Variants in GLB1L3 observed in about 807,000 individuals in gnomAD.
GLB1L3 encodes beta-galactosidase-1-like protein 3.
In GLB1L3, 89 loss-of-function variants were observed where a neutral mutation model predicts 89.5. The observed-to-expected ratio is 0.99, with a 90% CI of 0.84 to 1.19. The LOEUF (loss-of-function observed/expected upper bound fraction) is 1.19, where lower values mean the gene tolerates loss of function less well. Ranked by LOEUF, GLB1L3 falls within the 50% of genes most tolerant of loss-of-function variation. The pLI, the probability that GLB1L3 is intolerant of heterozygous loss-of-function variation, is 0.00. For missense variants in GLB1L3, 812 were observed against 813.3 expected (o/e 1.00, Z 0.02); for synonymous variants, 314 against 312.3 (o/e 1.01, Z -0.06).
chr11:134,293,645 TTC>T (rs1941479966), intron 9 of GLB1L3, among the ~76,000 whole-genome samples: 1 of 152,048 alleles, frequency 6.6e-6, no homozygotes, highest in Non-Finnish European at 1.5e-5. Context: ...GGCTCCCACC[TTC>T]TCTCAGTGGG....
In GLB1L3 at chr11:134,312,461, T is replaced by C; in HGVS notation, c.1400T>C (p.Leu467Pro). The change falls in exon 14 of 20, where the codon CTC (leucine) becomes CCC (proline). Residue 467 changes from leucine to proline, a missense_variant. Transcript: ENST00000431683. ...AAGTCCATCTGCTCCGGAGGCCGCC[T>C]CCGTGCCCACGCTCATGACGTGGCA... ...YEKSICSGGR[L>P]RAHAHDVAQV... is the part of the protein sequence containing the mutation. 8 of 1,613,150 alleles carry C rather than the reference T, an allele frequency of 5.0e-6. No homozygotes were observed. Among genetic ancestry groups the C allele is most frequent in the Non-Finnish European group, 6.8e-6 (8 of 1,179,882 alleles).
At chr11:134,294,072 CTT>C in intron 9 of GLB1L3, among the ~76,000 whole-genome samples, 1 of 147,436 alleles carries the variant, frequency 6.8e-6, no homozygotes, top group African/African-American at 2.5e-5. Flanking sequence ...TCATCAATTT[CTT>C]TTTTTTTTTG....
the GLB1L3 span, among the ~76,000 whole-genome samples, chr11:134,325,032 A>T: frequency 1.3e-5 from 2 of 152,210 alleles, no homozygotes; most frequent in Non-Finnish European, 2.9e-5. Flanking sequence ...TTATAAAGTT[A>T]TAAAGCTAAT....
chr11:134,286,483 G>A (rs1455304364), intron 6 of GLB1L3, among the ~76,000 whole-genome samples: 1 of 150,330 alleles, frequency 6.7e-6, no homozygotes, highest in African/African-American at 2.5e-5. Context: ...CTCAAAACCA[G>A]AAAGACTGGT....
chr11:134,307,293 T>G (rs1361602673), intron 10 of GLB1L3, 85 bp downstream of exon 10: 1 of 978,052 alleles, frequency 1.0e-6, no homozygotes, highest in Admixed American at 2.2e-5. Context: ...TGCTAATTGA[T>G]TCACTTGATC....
chr11:134,312,459 C>T lies in GLB1L3; in HGVS notation c.1398C>T (p.Arg466=), dbSNP rs201953991. The change falls in exon 14 of 20, where the codon CGC becomes CGT. Residue 466 remains arginine (R), a synonymous_variant. Transcript: ENST00000431683. The part of the protein sequence containing the change: ...LYEKSICSGG[R]LRAHAHDVAQ... The stretch of plus-strand genomic sequence containing the variant: ...AGAAGTCCATCTGCTCCGGAGGCCG[C>T]CTCCGTGCCCACGCTCATGACGTGG... 27 of 1,613,188 alleles carry T rather than the reference C, an allele frequency of 1.7e-5. No homozygotes were observed. The African/African-American group carries it at 3.5e-4, about 21-fold the overall frequency.
At position 134,305,006 on chromosome 11, in the gene GLB1L3, A is replaced by T. The variant is rs933119810; in HGVS notation, c.877-2118A>T. 1.2e-5 allele frequency: 15 copies of T among 1,262,734 alleles called. No individual in the cohort carries two copies. The Admixed American group carries it at 1.5e-4, about 13-fold the overall frequency. 78.2% of individuals were successfully genotyped at this position (1,262,734 alleles called of 1,614,324 possible). ...TGAGAGCCCGCATGCGACTGCGCTA[A>T]CAATGTATCTTAGTGGCATAATAAC... is the stretch of plus-strand genomic sequence containing the variant. On this transcript the variant is annotated intron_variant, in intron 9 of 19. Coordinates refer to ENST00000431683, the MANE Select transcript of GLB1L3 (RefSeq NM_001080407.3).
downstream of GLB1L3, among the ~76,000 whole-genome samples, chr11:134,321,466 A>G (rs1214443852): frequency 6.6e-6 from 1 of 152,220 alleles, no homozygotes; most frequent in Admixed American, 6.5e-5. Flanking sequence ...AGACACATGC[A>G]CACGTATGTT....
At chr11:134,305,478 C>T (rs1363359426) in intron 9 of GLB1L3, among the ~76,000 whole-genome samples, 1 of 152,198 alleles carries the variant, frequency 6.6e-6, no homozygotes, top group Non-Finnish European at 1.5e-5. Flanking sequence ...CTCTTAGCTT[C>T]ACAGAGGATG....
At chr11:134,305,429 G>A (rs538518793) in intron 9 of GLB1L3, 137 of 336,598 alleles carry the variant, frequency 4.1e-4, no homozygotes, top group Non-Finnish European at 5.8e-4. Flanking sequence ...ATGCTTTTGC[G>A]CTTCTTCCTC....
intron 13 of GLB1L3, 47 bp downstream of exon 13, chr11:134,311,217 G>C: frequency 7.5e-7 from 1 of 1,332,276 alleles, no homozygotes; most frequent in Non-Finnish European, 1.1e-6. Flanking sequence ...TTGGAGGGAT[G>C]GGGGAGGGAT....
At chr11:134,285,978 G>C in intron 6 of GLB1L3, among the ~76,000 whole-genome samples, 1 of 147,742 alleles carries the variant, frequency 6.8e-6, no homozygotes, top group African/African-American at 2.5e-5. Context: ...GTGTGACCTC[G>C]GCTCACCGCA....
At chr11:134,297,151 C>T (rs1037722368) in intron 9 of GLB1L3, among the ~76,000 whole-genome samples, 2 of 152,030 alleles carry the variant, frequency 1.3e-5, no homozygotes, top group African/African-American at 4.8e-5. Context: ...TACGTAATAT[C>T]CCTCTCCCTT....
chr11:134,282,171 TA>T (rs1301048303), intron 5 of GLB1L3, 51 bp downstream of exon 5: 1 of 1,495,526 alleles, frequency 6.7e-7, no homozygotes, highest in Non-Finnish European at 9.0e-7. Flanking sequence ...GTATTTGCTT[TA>T]AAAAAAGTGA....
chr11:134,302,923 A>G (rs1942021081), intron 9 of GLB1L3, among the ~76,000 whole-genome samples: 1 of 152,142 alleles, frequency 6.6e-6, no homozygotes, highest in Admixed American at 6.5e-5. Flanking sequence ...AGATGTGTTA[A>G]TATTTCTATC....
chr11:134,294,979 T>A (rs973396758), intron 9 of GLB1L3, among the ~76,000 whole-genome samples: 1 of 152,244 alleles, frequency 6.6e-6, no homozygotes, highest in Admixed American at 6.5e-5. Flanking sequence ...CTCATCTGAT[T>A]GTGAGATTAT....
intron 3 of GLB1L3, among the ~76,000 whole-genome samples, chr11:134,281,040 A>G (rs1417118459): frequency 6.6e-6 from 1 of 152,258 alleles, no homozygotes; most frequent in East Asian, 1.9e-4. Flanking sequence ...GCAAAAATTT[A>G]TAAGGAAGAT....
intron 6 of GLB1L3, among the ~76,000 whole-genome samples, chr11:134,285,908 G>GTTTTTTT (rs1162065552): frequency 2.3e-5 from 3 of 130,128 alleles, no homozygotes; most frequent in Non-Finnish European, 1.6e-5. Context: ...TGTGAGTTCT[G>GTTTTTTT]TTTTTTTTTT....
chr11:134,317,406 A>C (rs1943031198), intron 18 of GLB1L3, among the ~76,000 whole-genome samples: 1 of 152,190 alleles, frequency 6.6e-6, no homozygotes, highest in Admixed American at 6.5e-5. Context: ...TATCATCATC[A>C]TCAAAGAATT....
Sources: allele counts gnomAD v4.1 joint callset (sites outside exome capture counted in the v4.1 genomes callset), GRCh38; gene constraint gnomAD v4.1.1; transcripts MANE v1.5; gene names NCBI Gene and HGNC (gene_info 2026-07-23, HGNC 2026-07-21).